CCDC178: variants seen among roughly 807,000 people sequenced by gnomAD.
CCDC178 encodes the protein coiled-coil domain containing 178.
CCDC178 carries 126 observed loss-of-function variants against 117.4 expected under a neutral mutation model. The ratio of observed to expected loss-of-function variants is 1.07; its 90% CI spans 0.93 to 1.24. CCDC178 has a LOEUF of 1.24. Ranked by LOEUF, CCDC178 falls within the 50% of genes most tolerant of loss-of-function variation. CCDC178 has a pLI of 0.00. For synonymous variants in CCDC178, 283 were observed against 313.4 expected (o/e 0.90, Z 1.02); for missense variants, 1,030 against 986.9 (o/e 1.04, Z -0.59).
chr18:33,344,310 C>CAAAAA (rs58987470), intron 9 of CCDC178, among the ~76,000 whole-genome samples: 5 of 80,770 alleles, frequency 6.2e-5, no homozygotes, highest in Non-Finnish European at 1.2e-4. Flanking sequence ...GACTCCGTCT[C>CAAAAA]AAAAAAAAAA....
chr18:33,375,597 C>A (rs1024123690), intron 5 of CCDC178, among the ~76,000 whole-genome samples: 1 of 152,084 alleles, frequency 6.6e-6, no homozygotes, highest in Non-Finnish European at 1.5e-5. Context: ...ACATTCACAA[C>A]AGTAAATTAA....
intron 11 of CCDC178, among the ~76,000 whole-genome samples, chr18:33,318,511 G>A (rs1457503550): frequency 6.6e-6 from 1 of 152,146 alleles, no homozygotes; most frequent in Non-Finnish European, 1.5e-5. Context: ...AACAGAAAAT[G>A]TGAGAAAACG....
intron 2 of CCDC178, among the ~76,000 whole-genome samples, chr18:33,437,932 A>C (rs897016924): frequency 6.6e-6 from 1 of 152,230 alleles, no homozygotes; most frequent in Non-Finnish European, 1.5e-5. Context: ...TTCATTAACA[A>C]ATTACATGTC....
At chr18:33,402,930 G>C (rs2144867127) in intron 3 of CCDC178, among the ~76,000 whole-genome samples, 1 of 152,320 alleles carries the variant, frequency 6.6e-6, no homozygotes, top group South Asian at 2.1e-4. Flanking sequence ...AAAATCTTCA[G>C]GGGAGAGCCT....
At chr18:33,160,665 T>C (rs541405895) in intron 20 of CCDC178, among the ~76,000 whole-genome samples, 1 of 152,240 alleles carries the variant, frequency 6.6e-6, no homozygotes, top group Non-Finnish European at 1.5e-5. Context: ...GTCAACATCA[T>C]TGCTCACAGA....
rs142697470 is a variant in CCDC178 at position 33,405,942 on chromosome 18, T to C, written c.58+6089A>G. ...TATATGCAAAATACAATAAGAATACTATATAAGTATAAGCCAGGAATAAAA... is the reference window on the plus strand; with the variant it reads ...TATATGCAAAATACAATAAGAATACCATATAAGTATAAGCCAGGAATAAAA... On this transcript the variant is annotated intron_variant, in intron 3 of 22. Coordinates refer to ENST00000383096, the MANE Select transcript of CCDC178 (RefSeq NM_001105528.4). 3.1e-3 allele frequency among the ~76,000 whole-genome samples: 476 copies of C among 152,102 alleles called. 4 individuals are homozygous for C. Among genetic ancestry groups the C allele is most frequent in the African/African-American group, 0.011 (459 of 41,528 alleles).
At chr18:33,191,483 A>C (rs1288882644) in intron 20 of CCDC178, among the ~76,000 whole-genome samples, 2 of 152,138 alleles carry the variant, frequency 1.3e-5, no homozygotes, top group Non-Finnish European at 2.9e-5. Context: ...CTATACTAAG[A>C]GAATTAGGTT....
At chr18:33,255,071 A>G (rs1450936345) in intron 14 of CCDC178, among the ~76,000 whole-genome samples, 1 of 151,966 alleles carries the variant, frequency 6.6e-6, no homozygotes, top group Non-Finnish European at 1.5e-5. Flanking sequence ...AGTTCCCATG[A>G]GAGTGGGTTG....
intron 2 of CCDC178, among the ~76,000 whole-genome samples, chr18:33,427,983 T>C (rs932710673): frequency 7.2e-5 from 11 of 152,246 alleles, no homozygotes; most frequent in Admixed American, 5.2e-4. Flanking sequence ...ATCATTTATA[T>C]TGAATAAGTA....
At chr18:33,277,598 G>A (rs972376030) in intron 12 of CCDC178, among the ~76,000 whole-genome samples, 3 of 152,020 alleles carry the variant, frequency 2.0e-5, no homozygotes, top group Non-Finnish European at 4.4e-5. Context: ...TGGCTCTGGG[G>A]GATAAACCAT....
chr18:33,207,964 T>G (rs1325151485), intron 20 of CCDC178, among the ~76,000 whole-genome samples: 1 of 152,056 alleles, frequency 6.6e-6, no homozygotes, highest in Non-Finnish European at 1.5e-5. Context: ...GTTAAGTACT[T>G]GTGATCATTG....
At chr18:33,079,872 C>T (rs1234499531) in intron 21 of CCDC178, among the ~76,000 whole-genome samples, 2 of 152,128 alleles carry the variant, frequency 1.3e-5, no homozygotes, top group Non-Finnish European at 2.9e-5. Flanking sequence ...TGTGGCAATT[C>T]CTCAAAGAGG....
At chr18:33,019,628 G>T (rs895365969) in intron 21 of CCDC178, among the ~76,000 whole-genome samples, 1 of 152,048 alleles carries the variant, frequency 6.6e-6, no homozygotes, top group South Asian at 2.1e-4. Context: ...GCTGTGAAAG[G>T]TGCCTTACTT....
intron 20 of CCDC178, among the ~76,000 whole-genome samples, chr18:33,192,147 T>C (rs912927920): frequency 2.0e-5 from 3 of 152,224 alleles, no homozygotes; most frequent in Admixed American, 6.5e-5. Flanking sequence ...TTTGTACTTA[T>C]GTACAGTTGG....
chr18:33,362,651 T>C (rs2063146750), intron 6 of CCDC178, among the ~76,000 whole-genome samples: 1 of 151,926 alleles, frequency 6.6e-6, no homozygotes, highest in African/African-American at 2.4e-5. Flanking sequence ...TACTATACCA[T>C]CTATATGTGT....
At chr18:33,360,426 A>T (rs2063109911) in intron 6 of CCDC178, among the ~76,000 whole-genome samples, 1 of 151,452 alleles carries the variant, frequency 6.6e-6, no homozygotes, top group Non-Finnish European at 1.5e-5. Flanking sequence ...AAAAGAAACA[A>T]AGTACTGAAA....
chr18:33,338,607 G>A (rs1415616084), intron 9 of CCDC178, among the ~76,000 whole-genome samples: 1 of 152,064 alleles, frequency 6.6e-6, no homozygotes, highest in African/African-American at 2.4e-5. Context: ...CAACCTGAGT[G>A]GAATTGCTGA....
At chr18:33,163,584 T>C (rs1488510294) in intron 20 of CCDC178, among the ~76,000 whole-genome samples, 1 of 152,210 alleles carries the variant, frequency 6.6e-6, no homozygotes, top group Non-Finnish European at 1.5e-5. Context: ...TAAGATTTCA[T>C]ATGCAATAAA....
chr18:33,321,229 A>G (rs1477618806), intron 11 of CCDC178, among the ~76,000 whole-genome samples: 1 of 152,200 alleles, frequency 6.6e-6, no homozygotes, highest in Non-Finnish European at 1.5e-5. Flanking sequence ...AAAAGCCAAA[A>G]TTGACAAATG....
Sources: allele counts gnomAD v4.1 joint callset (sites outside exome capture counted in the v4.1 genomes callset), GRCh38; gene constraint gnomAD v4.1.1; transcripts MANE v1.5; gene names NCBI Gene and HGNC (gene_info 2026-07-23, HGNC 2026-07-21).